The following DAZAP1 variants were observed in gnomAD, a reference collection of about 807,000 sequenced individuals.
DAZAP1 encodes the protein DAZ-associated protein 1.
DAZAP1 carries 6 observed loss-of-function variants against 60.1 expected under a neutral mutation model. The observed-to-expected ratio is 0.10, with a 90% CI of 0.05 to 0.20. The LOEUF (loss-of-function observed/expected upper bound fraction) is 0.20, where lower values mean the gene tolerates loss of function less well. Ranked by LOEUF, DAZAP1 falls within the 10% of genes least tolerant of loss-of-function variation. The pLI is 1.00. For synonymous variants in DAZAP1, 235 were observed against 215.9 expected (o/e 1.09, Z -0.78); for missense variants, 366 against 560.4 (o/e 0.65, Z 3.50).
chr19:1,422,243 G>A lies in DAZAP1; in HGVS notation c.415-105G>A, dbSNP rs150726606. ...TGCACCTCCCCCGCTCAGGGAGGGC[G>A]CACCCTGTGCGAGAGTTTGGGTTCG... On this transcript the variant is annotated intron_variant, in intron 5 of 11. Transcript: ENST00000233078. The surrounding 1 kb of genome is among the most constrained non-coding windows in gnomAD (Gnocchi z 4.5). 3.1e-4 allele frequency: 318 copies of A among 1,028,860 alleles called. No homozygotes were observed. The highest frequency in any genetic ancestry group is 4.5e-4 in the Non-Finnish European group (303 of 668,246). The allele number at this position is 1,028,860 out of a possible 1,614,324, so 63.7% of individuals were successfully genotyped here.
At position 1,434,474 on chromosome 19, in the gene DAZAP1, A is replaced by C; in HGVS notation, c.1049-263A>C. 1 of 432,518 alleles carries C rather than the reference A, an allele frequency of 2.3e-6. No individual in the cohort carries two copies. Among genetic ancestry groups the C allele is most frequent in the Non-Finnish European group, 4.2e-6 (1 of 240,776 alleles). 26.8% of individuals were successfully genotyped at this position (432,518 alleles called of 1,614,324 possible). On this transcript the variant is annotated intron_variant, in intron 11 of 11. Transcript: ENST00000233078. The surrounding 1 kb of genome is among the most constrained non-coding windows in gnomAD (Gnocchi z 8.0). ...ACCACGTCTTCGGGATTGAACAGGGAAGCGGTGAGGTTACGTGGGCCATGG... is the reference window on the plus strand; with the variant it reads ...ACCACGTCTTCGGGATTGAACAGGGCAGCGGTGAGGTTACGTGGGCCATGG...
At position 1,435,388 on chromosome 19, in the gene DAZAP1, C is replaced by T. The variant is rs1221404710; in HGVS notation, c.*476C>T. ...GTGGAGGGGGTGCGCTGTTAGTCCCCTCGCTCCTGGCTTTGGGGGTTGGGA... is the reference window on the plus strand; with the variant it reads ...GTGGAGGGGGTGCGCTGTTAGTCCCTTCGCTCCTGGCTTTGGGGGTTGGGA... On this transcript the variant is annotated 3_prime_UTR_variant, in exon 12 of 12. Transcript: ENST00000233078. The T allele has an allele frequency of 6.6e-6, 1 of 152,384 alleles. No homozygotes were observed. The highest frequency in any genetic ancestry group is 1.9e-4 in the East Asian group (1 of 5,186). The allele number at this position is 152,384 out of a possible 1,614,324, so 9.4% of individuals were successfully genotyped here. A position where few individuals can be genotyped will look rare whatever the true frequency, so the allele number is the denominator to read the frequency against.
rs1010460531 is a variant in DAZAP1, at chr19:1,434,625, G to A, written c.1049-112G>A. The stretch of plus-strand genomic sequence containing the variant: ...CAGAAGGGCCCCACCCGCACCCCGT[G>A]GGACCCGTGGACTCAAGGCAGGCTC... On this transcript the variant is annotated intron_variant, in intron 11 of 11. Transcript: ENST00000233078. This position sits in a 1 kb window ranked among gnomAD's most constrained non-coding sequence, Gnocchi z 8.0. The A allele has an allele frequency of 8.5e-7, 1 of 1,170,432 alleles. No homozygotes were observed. The highest frequency in any genetic ancestry group is 2.0e-5 in the Admixed American group (1 of 49,440). 72.5% of individuals were successfully genotyped at this position (1,170,432 alleles called of 1,614,324 possible). A position where few individuals can be genotyped will look rare whatever the true frequency, so the allele number is the denominator to read the frequency against.
Position 1,428,546 on chromosome 19 carries a change from C to T in DAZAP1, c.547-296C>T, listed in dbSNP as rs1004539246. 21 of 321,102 alleles carry T rather than the reference C, an allele frequency of 6.5e-5. No homozygotes were observed. The highest frequency in any genetic ancestry group is 1.8e-4 in the Admixed American group (4 of 21,722). 19.9% of individuals were successfully genotyped at this position (321,102 alleles called of 1,614,324 possible). A position where few individuals can be genotyped will look rare whatever the true frequency, so the allele number is the denominator to read the frequency against. On this transcript the variant is annotated intron_variant, in intron 7 of 11. Transcript: ENST00000233078. The surrounding 1 kb of genome is among the most constrained non-coding windows in gnomAD (Gnocchi z 4.0). ...TACTTGAGTGAAAGACCCTTCGTCA[C>T]GCACGAAACCCCCGAGGGCTCTGGG... is the stretch of plus-strand genomic sequence containing the variant.
chr19:1,417,467 C>G, intron 1 of DAZAP1, 33 bp from the exon 2 acceptor site: 1 of 1,589,896 alleles, frequency 6.3e-7, no homozygotes, highest in South Asian at 1.1e-5. Flanking sequence ...CGAGCGCTGT[C>G]TTGATCCTGA....
Position 1,432,826 on chromosome 19 carries a change from G to T in DAZAP1, c.1048+136G>T. The T allele has an allele frequency of 1.9e-6, 2 of 1,076,568 alleles. No homozygotes were observed. The highest frequency in any genetic ancestry group is 1.6e-5 in the South Asian group (1 of 62,864). The allele number at this position is 1,076,568 out of a possible 1,614,324, so 66.7% of individuals were successfully genotyped here. The stretch of plus-strand genomic sequence containing the variant: ...GAAAGGGGAGAGGGAGGAGAGGGGG[G>T]TGTGGGGGTTGTTGGAGAGATCTCG... On this transcript the variant is annotated intron_variant, in intron 11 of 11. Coordinates refer to ENST00000233078, the MANE Select transcript of DAZAP1 (RefSeq NM_018959.4). The surrounding 1 kb of genome is among the most constrained non-coding windows in gnomAD (Gnocchi z 4.9).
intron 1 of DAZAP1, chr19:1,417,236 TC>T (rs2083012898): frequency 1.9e-6 from 1 of 521,410 alleles, no homozygotes; most frequent in East Asian, 3.5e-5. Context: ...CAGGAACTCA[TC>T]GCCCGCCACG....
In DAZAP1 at chr19:1,434,036, A is replaced by G. The variant is rs926775601; in HGVS notation, c.1049-701A>G. The G allele has an allele frequency of 5.1e-6, 3 of 583,442 alleles. No homozygotes were observed. In the African/African-American group the frequency reaches 5.6e-5, roughly 11 times the overall value. The allele number at this position is 583,442 out of a possible 1,614,324, so 36.1% of individuals were successfully genotyped here. A position where few individuals can be genotyped will look rare whatever the true frequency, so the allele number is the denominator to read the frequency against. On this transcript the variant is annotated intron_variant, in intron 11 of 11. Transcript: ENST00000233078. This position sits in a 1 kb window ranked among gnomAD's most constrained non-coding sequence, Gnocchi z 8.0. ...GCCCACCTGTGCCCACGTGCACCCG[A>G]ATGGGAACCCAGAGGTCGTGGGAGG...
At position 1,428,747 on chromosome 19, in the gene DAZAP1, CTAAGTGTAGTCA is replaced by C; in HGVS notation, c.547-89_547-78del. On this transcript the variant is annotated intron_variant, in intron 7 of 11. Transcript: ENST00000233078. This position sits in a 1 kb window ranked among gnomAD's most constrained non-coding sequence, Gnocchi z 4.0. Reference sequence around the variant, plus strand: ...GTATTTAGTCTTAAGTTGTAAGATGCTAAGTGTAGTCATAAGTTACCCGAGGGTGTGTCTAAA... The same window carrying C: ...GTATTTAGTCTTAAGTTGTAAGATGCTAAGTTACCCGAGGGTGTGTCTAAA... 1 of 1,425,002 alleles carries C rather than the reference CTAAGTGTAGTCA, an allele frequency of 7.0e-7. No individual in the cohort carries two copies. Among genetic ancestry groups the C allele is most frequent in the Non-Finnish European group, 9.6e-7 (1 of 1,036,296 alleles). 88.3% of individuals were successfully genotyped at this position (1,425,002 alleles called of 1,614,324 possible). A position where few individuals can be genotyped will look rare whatever the true frequency, so the allele number is the denominator to read the frequency against.
Position 1,416,215 on chromosome 19 carries a change from C to T in DAZAP1, c.30-1285C>T, listed in dbSNP as rs2082980571. 6.6e-6 allele frequency: 1 copy of T among 152,210 alleles called. No homozygotes were observed. Among genetic ancestry groups the T allele is most frequent in the African/African-American group, 2.4e-5 (1 of 41,450 alleles). 9.4% of individuals were successfully genotyped at this position (152,210 alleles called of 1,614,324 possible). A position where few individuals can be genotyped will look rare whatever the true frequency, so the allele number is the denominator to read the frequency against. On this transcript the variant is annotated intron_variant, in intron 1 of 11. Transcript: ENST00000233078. This position sits in a 1 kb window ranked among gnomAD's most constrained non-coding sequence, Gnocchi z 4.3. Reference sequence around the variant, plus strand: ...TGGGGCAGTAACGTGTTCAACCTGACAGCGACGTTTTTGCTGAAAGCCGAA... The same window carrying T: ...TGGGGCAGTAACGTGTTCAACCTGATAGCGACGTTTTTGCTGAAAGCCGAA...
intron 6 of DAZAP1, among the ~76,000 whole-genome samples, chr19:1,424,324 C>T (rs888286464): frequency 7.0e-6 from 1 of 142,672 alleles, no homozygotes; most frequent in African/African-American, 2.6e-5. Context: ...TCTTCCTCCT[C>T]CTCTTCCCCC....
At chr19:1,427,646 CCT>C (rs2083339903) in intron 7 of DAZAP1, 2 of 152,180 alleles carry the variant, frequency 1.3e-5, no homozygotes. Flanking sequence ...ACCGCAGTCC[CCT>C]GAGGAGGGTG....
At chr19:1,417,478 A>G in intron 1 of DAZAP1, 22 bp from the exon 2 acceptor site, 1 of 1,596,802 alleles carries the variant, frequency 6.3e-7, no homozygotes, top group Non-Finnish European at 8.5e-7. Context: ...TTGATCCTGA[A>G]TGTTTTCTCA....
At position 1,434,772 on chromosome 19, in the gene DAZAP1, G is replaced by T. The variant is rs2083553568; in HGVS notation, c.1084G>T (p.Gly362Cys). Residue 362 changes from glycine (G) to cysteine (C), a missense_variant, in exon 12 of 12, where the codon GGC becomes TGC. Physicochemically the swap from Gly to Cys is radical, Grantham distance 159 (BLOSUM62 -3). Around this residue, in one of 3 missense-constraint regions of DAZAP1, gnomAD observed 240 missense variants for 308.8 expected, o/e 0.78. Coordinates refer to ENST00000233078, the MANE Select transcript of DAZAP1 (RefSeq NM_018959.4). This position sits in a 1 kb window ranked among gnomAD's most constrained non-coding sequence, Gnocchi z 8.0. The stretch of plus-strand genomic sequence containing the variant: ...GCAGGACTTGAGTGGCTTCGGACAG[G>T]GCTTCTCAGACCCCAGCCAGCAGCC... Reference protein sequence around the residue: ...YGQDLSGFGQGFSDPSQQPPS... With the variant: ...YGQDLSGFGQCFSDPSQQPPS... 1 of 1,613,050 alleles carries T rather than the reference G, an allele frequency of 6.2e-7. No individual in the cohort carries two copies. Among genetic ancestry groups the T allele is most frequent in the Non-Finnish European group, 8.5e-7 (1 of 1,179,564 alleles).
intron 1 of DAZAP1, among the ~76,000 whole-genome samples, chr19:1,413,590 C>T (rs1260136563): frequency 6.6e-6 from 1 of 152,238 alleles, no homozygotes; most frequent in African/African-American, 2.4e-5. Context: ...GTAAAAGACA[C>T]ATGGACACAG....
chr19:1,424,703 G>A (rs1173565281), intron 6 of DAZAP1, among the ~76,000 whole-genome samples: 1 of 152,122 alleles, frequency 6.6e-6, no homozygotes, highest in Non-Finnish European at 1.5e-5. Flanking sequence ...CCCCTGCTGT[G>A]TGGTGCCTTG....
At chr19:1,407,833 C>A in intron 1 of DAZAP1, 31 bp downstream of exon 1, 1 of 1,064,216 alleles carries the variant, frequency 9.4e-7, no homozygotes, top group Non-Finnish European at 1.1e-6. Flanking sequence ...CCTGCGTCTC[C>A]GCCCCGAGCC....
chr19:1,410,430 C>T (rs1435387442), intron 1 of DAZAP1, among the ~76,000 whole-genome samples: 1 of 152,146 alleles, frequency 6.6e-6, no homozygotes, highest in Non-Finnish European at 1.5e-5. Context: ...GGGACAGGCA[C>T]TGACCTGTCA....
In DAZAP1 at chr19:1,433,233, TG is replaced by T. The variant is rs200695452; in HGVS notation, c.1048+550del. ...CATGTGCTTCCGGGGCAGGAGCTTG[TG>T]GGGGGGCGGGGTCAGCATGGGTCAA... is the stretch of plus-strand genomic sequence containing the variant. On this transcript the variant is annotated intron_variant, in intron 11 of 11. Coordinates refer to ENST00000233078, the MANE Select transcript of DAZAP1 (RefSeq NM_018959.4). The surrounding 1 kb of genome is among the most constrained non-coding windows in gnomAD (Gnocchi z 6.1). 9,764 of 107,918 alleles carry T rather than the reference TG, an allele frequency of 0.09. 330 individuals are homozygous for T. The highest frequency in any genetic ancestry group is 0.15 in the East Asian group (548 of 3,598). The allele number at this position is 107,918 out of a possible 1,614,324, so 6.7% of individuals were successfully genotyped here.
Sources: allele counts gnomAD v4.1 joint callset (sites outside exome capture counted in the v4.1 genomes callset), GRCh38; gene constraint gnomAD v4.1.1; regional missense constraint gnomAD v4.1.1; non-coding constraint Gnocchi (gnomAD v3.1); transcripts MANE v1.5; gene names NCBI Gene and HGNC (gene_info 2026-07-23, HGNC 2026-07-21).